The following PYGB variants were observed in gnomAD, a reference collection of about 807,000 sequenced individuals.
The protein encoded by PYGB is glycogen phosphorylase B, also known as glycogen phosphorylase, brain form.
Under a neutral mutation model 94.3 loss-of-function variants are expected in PYGB, and 82 were observed. That is an observed-to-expected ratio of 0.87 (90% CI 0.73 to 1.04). The LOEUF is 1.04. PYGB is among the 50% of genes least tolerant of loss of function. The probability of loss-of-function intolerance (pLI) is 0.00; values close to 1 mark genes in which losing one functional copy is unlikely to be tolerated. For synonymous variants in PYGB, 488 were observed against 479.1 expected (o/e 1.02, Z -0.24); for missense variants, 1,132 against 1,158.2 (o/e 0.98, Z 0.33).
intron 7 of PYGB, 48 bp from the exon 8 acceptor site, chr20:25,278,268 GGGA>G (rs778727394): frequency 2.3e-6 from 1 of 430,842 alleles, no homozygotes. Flanking sequence ...GGCTTCCTGG[GGGA>G]GGAGAATGGC....
intron 14 of PYGB, among the ~76,000 whole-genome samples, chr20:25,286,140 G>A (rs2088416297): frequency 1.3e-5 from 2 of 152,246 alleles, no homozygotes; most frequent in Non-Finnish European, 2.9e-5. Flanking sequence ...GGCCGTTACA[G>A]GGCATTTTCG....
chr20:25,293,981 C>G, intron 17 of PYGB, 177 bp from the exon 18 acceptor site: 1 of 716,576 alleles, frequency 1.4e-6, no homozygotes, highest in Non-Finnish European at 2.3e-6. Flanking sequence ...TCGAGCAGGT[C>G]CCTGCTCAAG....
intron 1 of PYGB, among the ~76,000 whole-genome samples, chr20:25,257,849 T>C (rs1006120894): frequency 3.9e-5 from 6 of 152,206 alleles, no homozygotes; most frequent in African/African-American, 1.4e-4. Flanking sequence ...GGACAGTGCC[T>C]GTGGCTTCCT....
At chr20:25,292,777 G>C (rs2088481440) in intron 17 of PYGB, among the ~76,000 whole-genome samples, 164 bp downstream of exon 17, 1 of 152,214 alleles carries the variant, frequency 6.6e-6, no homozygotes, top group African/African-American at 2.4e-5. Context: ...ACCATTTCCA[G>C]GTGCATGGAA....
intron 14 of PYGB, chr20:25,285,534 T>C (rs1159094327): frequency 6.6e-6 from 1 of 151,954 alleles, no homozygotes; most frequent in Non-Finnish European, 1.5e-5. Flanking sequence ...GATGCTCCAC[T>C]TCTGCTTGGT....
chr20:25,283,151 T>A (rs1283325417), intron 12 of PYGB, 25 bp from the exon 13 acceptor site: 1 of 1,588,038 alleles, frequency 6.3e-7, no homozygotes, highest in Non-Finnish European at 8.6e-7. Flanking sequence ...AGGCCCACAG[T>A]GAGCGGAACC....
chr20:25,274,200 C>T (rs1369895708), intron 4 of PYGB, among the ~76,000 whole-genome samples: 14 of 152,250 alleles, frequency 9.2e-5, no homozygotes, highest in African/African-American at 3.1e-4. Flanking sequence ...CAGCCTCTCA[C>T]CCGCTTTCTG....
chr20:25,279,591 G>A (rs2088347257), intron 9 of PYGB, among the ~76,000 whole-genome samples: 1 of 152,080 alleles, frequency 6.6e-6, no homozygotes, highest in Non-Finnish European at 1.5e-5. Flanking sequence ...CCAATGTGGT[G>A]ACTCACACCC....
chr20:25,251,339 C>T (rs1173837467), intron 1 of PYGB: 1 of 152,224 alleles, frequency 6.6e-6, no homozygotes, highest in Non-Finnish European at 1.5e-5. Flanking sequence ...CAACTGTGGG[C>T]TTGGGCGGAT....
In PYGB at chr20:25,271,797, G is replaced by A. The variant is rs150623313; in HGVS notation, c.528+311G>A. 2.2e-4 allele frequency among the ~76,000 whole-genome samples: 33 copies of A among 152,308 alleles called. No homozygotes were observed. In the Middle Eastern group the frequency reaches 0.01, roughly 47 times the overall value. ...TCCCAGACAGGGCCAGTAGCAGCCG[G>A]GCAGTGAGGGTCACTCTGGTGACCC... On this transcript the variant is annotated intron_variant, in intron 4 of 19. Coordinates refer to ENST00000216962, the MANE Select transcript of PYGB (RefSeq NM_002862.4).
chr20:25,296,486 C>T lies in PYGB; in HGVS notation c.2496C>T (p.Asp832=), dbSNP rs1324484107. Residue 832 remains aspartate, a synonymous_variant, in exon 20 of 20, where the codon GAC becomes GAT. Transcript: ENST00000216962. ...AGATCTGGGGTGTGGAGCCCTCCGA[C>T]CTGCAGATCCCGCCCCCCAACATCC... ...AREIWGVEPS[D]LQIPPPNIPR... 2 of 1,613,838 alleles carry T rather than the reference C, an allele frequency of 1.2e-6. No individual in the cohort carries two copies. Among genetic ancestry groups the T allele is most frequent in the South Asian group, 2.2e-5 (2 of 91,080 alleles).
At chr20:25,281,258 C>CGA in intron 11 of PYGB, 146 bp downstream of exon 11, 2 of 1,129,744 alleles carry the variant, frequency 1.8e-6, no homozygotes, top group South Asian at 1.6e-5. Context: ...GACAGAGCTG[C>CGA]CCAGAACACC....
intron 1 of PYGB, chr20:25,251,423 CTG>C (rs2092887793): frequency 6.6e-6 from 1 of 152,224 alleles, no homozygotes; most frequent in Non-Finnish European, 1.5e-5. Context: ...TTTCCGAAGT[CTG>C]TTGCCATTCT....
chr20:25,279,231 G>T lies in PYGB; in HGVS notation c.1092+82G>T. ...GGGCTACAAGGAGCTGAGCTGGGGG[G>T]CCTCTTCCCTGGCCTTGGGAGAGCT... is the stretch of plus-strand genomic sequence containing the variant. On this transcript the variant is annotated intron_variant, in intron 9 of 19. Coordinates refer to ENST00000216962, the MANE Select transcript of PYGB (RefSeq NM_002862.4). The T allele has an allele frequency of 2.8e-6, 4 of 1,417,800 alleles. No homozygotes were observed. In the South Asian group the frequency reaches 4.9e-5, roughly 18 times the overall value. 87.8% of individuals were successfully genotyped at this position (1,417,800 alleles called of 1,614,324 possible). A position where few individuals can be genotyped will look rare whatever the true frequency, so the allele number is the denominator to read the frequency against.
At position 25,248,403 on chromosome 20, in the gene PYGB, C is replaced by G; in HGVS notation, c.225C>G (p.Tyr75Ter). The G allele has an allele frequency of 1.3e-6, 2 of 1,552,662 alleles. No individual in the cohort carries two copies. Reference sequence around the variant, plus strand: ...GCTGGATCCGCACGCAGCAGCACTACTACGAGCGCGACCCCAAGGTGAGGC... The same window carrying G: ...GCTGGATCCGCACGCAGCAGCACTAGTACGAGCGCGACCCCAAGGTGAGGC... ...VGRWIRTQQH[Y>*]YERDPKRIYY... Residue 75 changes from tyrosine to a stop codon, truncating the protein, a stop_gained, in exon 1 of 20, where the codon TAC (tyrosine) becomes TAG (stop). Coordinates refer to ENST00000216962, the MANE Select transcript of PYGB (RefSeq NM_002862.4). LOFTEE classifies it high-confidence loss of function.
At chr20:25,274,762 A>G (rs929448225) in intron 5 of PYGB, 39 bp downstream of exon 5, 1 of 1,599,306 alleles carries the variant, frequency 6.3e-7, no homozygotes. Flanking sequence ...GGCTGGAGCC[A>G]GGTGAGGGGG....
At chr20:25,290,358 C>A in intron 15 of PYGB, 123 bp from the exon 16 acceptor site, 1 of 1,296,322 alleles carries the variant, frequency 7.7e-7, no homozygotes, top group African/African-American at 1.5e-5. Flanking sequence ...CTCTACTGAC[C>A]GTCCCGACGG....
At chr20:25,286,854 T>A (rs1262406249) in intron 14 of PYGB, among the ~76,000 whole-genome samples, 2 of 152,250 alleles carry the variant, frequency 1.3e-5, no homozygotes, top group African/African-American at 4.8e-5. Context: ...CCCTGCCCAC[T>A]GTGACCTGGG....
intron 17 of PYGB, chr20:25,293,885 G>C (rs1230659423): frequency 6.1e-6 from 3 of 492,144 alleles, no homozygotes. Flanking sequence ...CAGCCACTAT[G>C]TCCTAGCAGA....
Sources: gnomAD v4.1 joint callset for allele counts (sites outside exome capture counted in the v4.1 genomes callset) on GRCh38, gnomAD v4.1.1 for gene constraint, MANE v1.5 for transcripts, NCBI Gene and HGNC (gene_info 2026-07-23, HGNC 2026-07-21) for gene names.